FAM76A: variants seen among roughly 807,000 people sequenced by gnomAD.
FAM76A encodes family with sequence similarity 76 member A.
In FAM76A, 32 loss-of-function variants were observed where a neutral mutation model predicts 46.2. The ratio of observed to expected loss-of-function variants is 0.69; its 90% CI spans 0.52 to 0.93. The LOEUF is 0.93. FAM76A is among the 40% of genes least tolerant of loss of function. FAM76A has a pLI of 0.00. For synonymous variants in FAM76A, 137 were observed against 127.0 expected (o/e 1.08, Z -0.53); for missense variants, 274 against 361.5 (o/e 0.76, Z 1.96).
intron 6 of FAM76A, among the ~76,000 whole-genome samples, chr1:27,753,439 C>G (rs2088362481): frequency 6.6e-6 from 1 of 152,236 alleles, no homozygotes; most frequent in African/African-American, 2.4e-5. Flanking sequence ...GACTGCAGCT[C>G]TAAGGGTGCT....
chr1:27,749,982 A>G (rs545049471), intron 6 of FAM76A, among the ~76,000 whole-genome samples: 3 of 152,186 alleles, frequency 2.0e-5, no homozygotes, highest in Non-Finnish European at 4.4e-5. Flanking sequence ...CCTAATATCC[A>G]GAGTGTCCCA....
At position 27,725,997 on chromosome 1, in the gene FAM76A, C is replaced by A; in HGVS notation, c.-84C>A. On this transcript the variant is annotated 5_prime_UTR_variant, in exon 1 of 9. Transcript: ENST00000373954. The stretch of plus-strand genomic sequence containing the variant: ...CCCGCCTGCCGCAGCCAGCAGCCTG[C>A]AGCCGCCGCCGGGTTGTGCCTCAGA... 1 of 1,121,326 alleles carries A rather than the reference C, an allele frequency of 8.9e-7. No homozygotes were observed. Among genetic ancestry groups the A allele is most frequent in the Non-Finnish European group, 1.1e-6 (1 of 890,902 alleles). The allele number at this position is 1,121,326 out of a possible 1,614,324, so 69.5% of individuals were successfully genotyped here.
intron 4 of FAM76A, among the ~76,000 whole-genome samples, chr1:27,743,652 C>T (rs1440164579): frequency 6.6e-6 from 1 of 152,038 alleles, no homozygotes; most frequent in African/African-American, 2.4e-5. Flanking sequence ...GTAGTTCCAG[C>T]TATTCAGTAG....
rs146048031 is a variant in FAM76A at position 27,748,226 on chromosome 1, C to T, written c.513-842C>T. On this transcript the variant is annotated intron_variant, in intron 5 of 8. Coordinates refer to ENST00000373954, the MANE Select transcript of FAM76A (RefSeq NM_152660.3). ...CTGCAAGCTCTGCCTCCCGGGTTCACGCCATTCTCCTGCCTCAGCCTCCCA... is the reference window on the plus strand; with the variant it reads ...CTGCAAGCTCTGCCTCCCGGGTTCATGCCATTCTCCTGCCTCAGCCTCCCA... Among the ~76,000 whole-genome samples, 1,296 of 146,164 alleles carry T rather than the reference C, an allele frequency of 8.9e-3. 14 individuals are homozygous for T. The highest frequency in any genetic ancestry group is 0.03 in the African/African-American group (1,195 of 39,314).
At chr1:27,754,951 G>A (rs921006921) in intron 6 of FAM76A, among the ~76,000 whole-genome samples, 1 of 152,214 alleles carries the variant, frequency 6.6e-6, no homozygotes, top group Non-Finnish European at 1.5e-5. Context: ...CTAAATGTGA[G>A]AGAAGATGCT....
At chr1:27,748,362 G>T (rs2088276794) in intron 5 of FAM76A, among the ~76,000 whole-genome samples, 1 of 151,412 alleles carries the variant, frequency 6.6e-6, no homozygotes, top group African/African-American at 2.4e-5. Flanking sequence ...CTGACCTCGT[G>T]ATCCATCCAC....
chr1:27,758,565 A>G (rs763388988), intron 7 of FAM76A, among the ~76,000 whole-genome samples: 3 of 151,996 alleles, frequency 2.0e-5, no homozygotes, highest in Non-Finnish European at 4.4e-5. Context: ...GCAGTGGTGC[A>G]GTCTCAGCTC....
chr1:27,737,886 A>AG (rs2088080807), intron 4 of FAM76A, among the ~76,000 whole-genome samples: 2 of 149,840 alleles, frequency 1.3e-5, no homozygotes, highest in Non-Finnish European at 3.0e-5. Flanking sequence ...AAAAAAAAAA[A>AG]AAAAAACAGA....
At chr1:27,739,677 A>G (rs2088117607) in intron 4 of FAM76A, among the ~76,000 whole-genome samples, 2 of 152,142 alleles carry the variant, frequency 1.3e-5, no homozygotes, top group African/African-American at 4.8e-5. Context: ...AGTCTCGGCT[A>G]CTTGGGAGGC....
chr1:27,749,375 T>C (rs1161772965), intron 6 of FAM76A, among the ~76,000 whole-genome samples: 3 of 152,196 alleles, frequency 2.0e-5, no homozygotes, highest in African/African-American at 7.2e-5. Context: ...CACTAAATTA[T>C]AATTTTTTTT....
chr1:27,740,310 A>G (rs1434805234), intron 4 of FAM76A: 1 of 858,594 alleles, frequency 1.2e-6, no homozygotes, highest in African/African-American at 1.7e-5. Flanking sequence ...CAAACCAGGA[A>G]CTACAGTTGA....
chr1:27,757,075 A>C (rs763335897), intron 7 of FAM76A, among the ~76,000 whole-genome samples: 1 of 151,950 alleles, frequency 6.6e-6, no homozygotes, highest in Non-Finnish European at 1.5e-5. Context: ...AACAAACAAA[A>C]AAGAATATCT....
At chr1:27,758,801 A>G (rs994171289) in intron 7 of FAM76A, among the ~76,000 whole-genome samples, 16 of 151,038 alleles carry the variant, frequency 1.1e-4, no homozygotes, top group Non-Finnish European at 1.6e-4. Flanking sequence ...TACAGGCATG[A>G]GCCACCACTC....
intron 4 of FAM76A, among the ~76,000 whole-genome samples, chr1:27,736,733 G>C (rs1440363220): frequency 6.7e-6 from 1 of 150,086 alleles, no homozygotes; most frequent in Admixed American, 6.6e-5. Flanking sequence ...GATTACAGGT[G>C]CACGCCACCA....
chr1:27,743,101 G>T (rs907106656), intron 4 of FAM76A, among the ~76,000 whole-genome samples: 2 of 152,010 alleles, frequency 1.3e-5, no homozygotes, highest in Non-Finnish European at 2.9e-5. Context: ...GGTAATGCGT[G>T]TTAATTAGCT....
intron 4 of FAM76A, among the ~76,000 whole-genome samples, chr1:27,743,768 A>G (rs768473841): frequency 2.7e-4 from 36 of 133,376 alleles, no homozygotes; most frequent in Admixed American, 5.1e-4. Context: ...CTGTTTGGGG[A>G]AAAAAAAAAA....
chr1:27,758,632 G>A (rs2088454738), intron 7 of FAM76A, among the ~76,000 whole-genome samples: 1 of 151,258 alleles, frequency 6.6e-6, no homozygotes, highest in South Asian at 2.1e-4. Flanking sequence ...CCTCTAAATA[G>A]CTGGGACTGC....
Position 27,755,245 on chromosome 1 carries a change from T to C in FAM76A, c.650T>C (p.Ile217Thr). 8 of 1,614,220 alleles carry C rather than the reference T, an allele frequency of 5.0e-6. No individual in the cohort carries two copies. The highest frequency in any genetic ancestry group is 6.8e-6 in the Non-Finnish European group (8 of 1,180,032). ...TCACCAGGCACTGACCACTTTGTCA[T>C]CATTGCCCAACTGAAGGAAGAAGTG... ...LDSPGTDHFVIIAQLKEEVAT... is the reference protein window; with the variant it reads ...LDSPGTDHFVTIAQLKEEVAT... Residue 217 changes from isoleucine to threonine, a missense_variant, in exon 7 of 9, where the codon ATC becomes ACC. By Grantham distance (89) the Ile-to-Thr change is moderately conservative. Coordinates refer to ENST00000373954, the MANE Select transcript of FAM76A (RefSeq NM_152660.3).
chr1:27,728,867 G>A (rs1571463625), intron 2 of FAM76A, among the ~76,000 whole-genome samples: 1 of 152,188 alleles, frequency 6.6e-6, no homozygotes, highest in East Asian at 1.9e-4. Context: ...GGGGGGCTGA[G>A]GCAGGAGAAT....
Sources: allele counts gnomAD v4.1 joint callset (sites outside exome capture counted in the v4.1 genomes callset), GRCh38; gene constraint gnomAD v4.1.1; transcripts MANE v1.5; gene names NCBI Gene and HGNC (gene_info 2026-07-23, HGNC 2026-07-21).